Variants in COA5 observed in about 807,000 individuals in gnomAD.
COA5 encodes the protein cytochrome c oxidase assembly factor 5, also known as protein C2orf64.
A neutral mutation model predicts 11.8 loss-of-function variants in COA5; 11 were observed. The ratio of observed to expected loss-of-function variants is 0.93; its 90% CI spans 0.59 to 1.54. The LOEUF (loss-of-function observed/expected upper bound fraction) is 1.54, where lower values mean the gene tolerates loss of function less well. Among genes scored for constraint, COA5 ranks in the 40% most tolerant of loss-of-function variants. The pLI is 0.00. For missense variants in COA5, 87 were observed against 89.2 expected (o/e 0.97, Z 0.10); for synonymous variants, 38 against 37.5 (o/e 1.01, Z -0.05).
chr2:98,601,164 G>A (rs947977540), intron 2 of COA5, among the ~76,000 whole-genome samples: 1 of 152,054 alleles, frequency 6.6e-6, no homozygotes, highest in Non-Finnish European at 1.5e-5. Context: ...AGAATTGCTC[G>A]AACCTGGGAG....
chr2:98,604,653 C>G (rs931444253), intron 1 of COA5: 1 of 173,116 alleles, frequency 5.8e-6, no homozygotes, highest in African/African-American at 2.4e-5. Context: ...CTCATCTGCT[C>G]TGCATAATCA....
chr2:98,601,455 T>C (rs1408484931), intron 2 of COA5, among the ~76,000 whole-genome samples: 4 of 152,192 alleles, frequency 2.6e-5, no homozygotes, highest in African/African-American at 4.8e-5. Context: ...AGTAACACAT[T>C]ACTTTGGGAT....
At chr2:98,604,869 C>T (rs1700687970) in intron 1 of COA5, 1 of 152,422 alleles carries the variant, frequency 6.6e-6, no homozygotes, top group South Asian at 2.1e-4. Context: ...TATCAAATGT[C>T]ATCTACCTCA....
At chr2:98,604,082 G>C in intron 2 of COA5, 26 bp downstream of exon 2, 2 of 1,559,906 alleles carry the variant, frequency 1.3e-6, no homozygotes, top group South Asian at 1.1e-5. Flanking sequence ...TTTAGCATAG[G>C]CTTTTAAAAA....
rs1386576181 is a variant in COA5 at position 98,608,386 on chromosome 2, T to G, written c.20A>C (p.Asp7Ala). The G allele has an allele frequency of 1.2e-6, 2 of 1,603,854 alleles. No homozygotes were observed. Among genetic ancestry groups the G allele is most frequent in the South Asian group, 1.1e-5 (1 of 89,824 alleles). The change falls in exon 1 of 3, where the codon GAC becomes GCC. Residue 7 changes from aspartate (D) to alanine (A), a missense_variant. By Grantham distance (126) the Asp-to-Ala change is moderately radical (BLOSUM62 -2). Coordinates refer to ENST00000328709, the MANE Select transcript of COA5 (RefSeq NM_001008215.3). MPKYYE[D>A]KPQGGACAGL... ...CGCGCACGCGCCGCCCTGCGGCTTG[T>G]CCTCATAATACTTAGGCATGACGGC...
intron 2 of COA5, among the ~76,000 whole-genome samples, chr2:98,603,059 G>C (rs938332656): frequency 6.6e-6 from 1 of 152,204 alleles, no homozygotes; most frequent in African/African-American, 2.4e-5. Context: ...CCCTGGATCT[G>C]ATTAGCTGGC....
At chr2:98,607,194 T>G (rs1011927526) in intron 1 of COA5, among the ~76,000 whole-genome samples, 1 of 152,226 alleles carries the variant, frequency 6.6e-6, no homozygotes, top group Non-Finnish European at 1.5e-5. Context: ...TAGTGACTGT[T>G]ACTGATTCAT....
At chr2:98,605,334 C>G (rs928788554) in intron 1 of COA5, among the ~76,000 whole-genome samples, 1 of 152,232 alleles carries the variant, frequency 6.6e-6, no homozygotes, top group African/African-American at 2.4e-5. Context: ...AGGCTTGCCC[C>G]TTTCCTCACT....
At chr2:98,601,993 T>C (rs1700648129) in intron 2 of COA5, among the ~76,000 whole-genome samples, 1 of 152,148 alleles carries the variant, frequency 6.6e-6, no homozygotes, top group African/African-American at 2.4e-5. Flanking sequence ...ACCACTATTC[T>C]ATAGGAAGGA....
Position 98,600,675 on chromosome 2 carries a change from T to G in COA5, c.*77A>C. 1 of 1,271,906 alleles carries G rather than the reference T, an allele frequency of 7.9e-7. No individual in the cohort carries two copies. The highest frequency in any genetic ancestry group is 1.2e-5 in the South Asian group (1 of 80,098). The allele number at this position is 1,271,906 out of a possible 1,614,324, so 78.8% of individuals were successfully genotyped here. ...CCAAACAGATGTAGTAAAAAGTATG[T>G]TTCCTGTTTTGGCTTCTTTGTGTTA... On this transcript the variant is annotated 3_prime_UTR_variant, in exon 3 of 3. Transcript: ENST00000328709.
Position 98,599,966 on chromosome 2 carries a change from A to G in COA5, c.*786T>C, listed in dbSNP as rs113434430. The G allele has an allele frequency of 9.0e-3, 1,378 of 152,432 alleles. 29 individuals are homozygous for G. Among genetic ancestry groups the G allele is most frequent in the African/African-American group, 0.032 (1,314 of 41,580 alleles). 9.4% of individuals were successfully genotyped at this position (152,432 alleles called of 1,614,324 possible). A position where few individuals can be genotyped will look rare whatever the true frequency, so the allele number is the denominator to read the frequency against. The stretch of plus-strand genomic sequence containing the variant: ...CCCCTCTTCCACAGGGACTGGTCCA[A>G]TGCAAGGGCAGGTGATCCTGGGAAG... On this transcript the variant is annotated 3_prime_UTR_variant, in exon 3 of 3. Transcript: ENST00000328709.
chr2:98,608,091 C>A (rs940433118), intron 1 of COA5, among the ~76,000 whole-genome samples: 1 of 152,232 alleles, frequency 6.6e-6, no homozygotes, highest in Non-Finnish European at 1.5e-5. Flanking sequence ...TACAAAAACC[C>A]GACAGGGTGC....
chr2:98,600,988 G>A (rs1295980342), intron 2 of COA5, among the ~76,000 whole-genome samples, 195 bp from the exon 3 acceptor site: 1 of 152,156 alleles, frequency 6.6e-6, no homozygotes, highest in African/African-American at 2.4e-5. Flanking sequence ...GCTCATGCCT[G>A]TAATCCCAGC....
chr2:98,600,681 G>C lies in COA5; in HGVS notation c.*71C>G, dbSNP rs11537556. The C allele has an allele frequency of 5.0e-5, 68 of 1,353,112 alleles. No homozygotes were observed. Among genetic ancestry groups the C allele is most frequent in the Non-Finnish European group, 6.9e-5 (66 of 956,482 alleles). 83.8% of individuals were successfully genotyped at this position (1,353,112 alleles called of 1,614,324 possible). ...AGATGTAGTAAAAAGTATGTTTCCT[G>C]TTTTGGCTTCTTTGTGTTAATGACC... is the stretch of plus-strand genomic sequence containing the variant. On this transcript the variant is annotated 3_prime_UTR_variant, in exon 3 of 3. Coordinates refer to ENST00000328709, the MANE Select transcript of COA5 (RefSeq NM_001008215.3).
chr2:98,608,397 C>G lies in COA5; in HGVS notation c.9G>C (p.Lys3Asn), dbSNP rs2106595198. Residue 3 changes from lysine (K) to asparagine (N), a missense_variant, in exon 1 of 3, where the codon AAG becomes AAC. Transcript: ENST00000328709. MPKYYEDKPQGGA... is the reference protein window; with the variant it reads MPNYYEDKPQGGA... ...CGCCCTGCGGCTTGTCCTCATAATA[C>G]TTAGGCATGACGGCGCTTCCCCTCC... 1 of 1,600,512 alleles carries G rather than the reference C, an allele frequency of 6.2e-7. No individual in the cohort carries two copies. The highest frequency in any genetic ancestry group is 1.1e-5 in the South Asian group (1 of 89,500).
chr2:98,605,211 G>A (rs1700691865), intron 1 of COA5, among the ~76,000 whole-genome samples: 1 of 152,200 alleles, frequency 6.6e-6, no homozygotes, highest in Non-Finnish European at 1.5e-5. Flanking sequence ...TCCAGCATAT[G>A]GCTGGGTGAG....
At chr2:98,602,867 G>A (rs557342388) in intron 2 of COA5, among the ~76,000 whole-genome samples, 1 of 152,198 alleles carries the variant, frequency 6.6e-6, no homozygotes, top group Admixed American at 6.5e-5. Flanking sequence ...GAGAATTTCA[G>A]AGGGTTTACT....
At chr2:98,601,303 A>G (rs1319403026) in intron 2 of COA5, among the ~76,000 whole-genome samples, 1 of 152,162 alleles carries the variant, frequency 6.6e-6, no homozygotes, top group African/African-American at 2.4e-5. Context: ...GCAATCAAGA[A>G]TCCAAATTAC....
At chr2:98,604,566 T>C (rs374381137) in intron 1 of COA5, 1 of 240,164 alleles carries the variant, frequency 4.2e-6, no homozygotes, top group Non-Finnish European at 8.2e-6. Flanking sequence ...CACAAAGATA[T>C]TAACAAGGCA....
Sources: allele counts gnomAD v4.1 joint callset (sites outside exome capture counted in the v4.1 genomes callset), GRCh38; gene constraint gnomAD v4.1.1; transcripts MANE v1.5; gene names NCBI Gene and HGNC (gene_info 2026-07-23, HGNC 2026-07-21).